Variants in ATP9B observed in about 807,000 individuals in gnomAD.
ATP9B encodes ATPase phospholipid transporting 9B.
Under a neutral mutation model 146.1 loss-of-function variants are expected in ATP9B, and 110 were observed. The ratio of observed to expected loss-of-function variants is 0.75; its 90% confidence interval spans 0.65 to 0.88. ATP9B has a LOEUF of 0.88. ATP9B is among the 40% of genes least tolerant of loss of function. ATP9B has a pLI of 0.00. For synonymous variants in ATP9B, 604 were observed against 569.7 expected, an observed-to-expected ratio of 1.06 and a Z score of -0.86; for missense variants, 1,499 against 1,496.4, an observed-to-expected ratio of 1.00 and a Z score of -0.03.
At chr18:79,296,936 C>T (rs1175385725) in intron 13 of ATP9B, among the ~76,000 whole-genome samples, 1 of 151,138 alleles carries the variant, frequency 6.6e-6, no homozygotes, top group Non-Finnish European at 1.5e-5. Context: ...AGAGATGACC[C>T]AGAGAGGAGA....
chr18:79,190,903 T>TA lies in ATP9B; in HGVS notation c.874-2277dup, dbSNP rs563155773. On this transcript the variant is annotated intron_variant, in intron 8 of 29. Transcript: ENST00000426216. The stretch of plus-strand genomic sequence containing the variant: ...AAAAACAGGATTTGGGGGTTTTTTT[T>TA]AAATATTTACTTAGATATTTACTAC... Among the ~76,000 whole-genome samples the TA allele has an allele frequency of 6.2e-3, 939 of 152,200 alleles. 5 individuals carry two copies. The highest frequency in any genetic ancestry group is 0.01 in the Non-Finnish European group (695 of 68,014).
At chr18:79,165,747 C>A (rs2094955108) in intron 7 of ATP9B, among the ~76,000 whole-genome samples, 1 of 152,108 alleles carries the variant, frequency 6.6e-6, no homozygotes, top group South Asian at 2.1e-4. Context: ...TGTCTTCCTG[C>A]ACTTCCTAGG....
At chr18:79,271,866 G>T (rs575103322) in intron 12 of ATP9B, among the ~76,000 whole-genome samples, 41 of 149,164 alleles carry the variant, frequency 2.7e-4, no homozygotes, top group African/African-American at 1.0e-3. Flanking sequence ...CAGTGTAAAA[G>T]TGTTCCTATT....
chr18:79,355,469 C>A (rs1458668915), intron 25 of ATP9B, among the ~76,000 whole-genome samples: 1 of 152,110 alleles, frequency 6.6e-6, no homozygotes, highest in East Asian at 1.9e-4. Context: ...AAAAAAAATG[C>A]CGTGACTGGG....
chr18:79,228,640 T>C (rs1210562534), intron 11 of ATP9B, among the ~76,000 whole-genome samples: 3 of 152,190 alleles, frequency 2.0e-5, no homozygotes, highest in Non-Finnish European at 4.4e-5. Context: ...AAATAATGAT[T>C]TACTCAAGAT....
At chr18:79,182,835 G>C (rs9965427) in intron 8 of ATP9B, among the ~76,000 whole-genome samples, 84,120 of 151,616 alleles carry the variant, frequency 0.55, 24,991 homozygotes, top group African/African-American at 0.79. Context: ...GCCTGTGACT[G>C]CCCTGCAGAG....
chr18:79,315,990 C>T lies in ATP9B; in HGVS notation c.1773+8756C>T, dbSNP rs550359459. Among the ~76,000 whole-genome samples, 7 of 152,226 alleles carry T rather than the reference C, an allele frequency of 4.6e-5. No homozygotes were observed. The South Asian group carries it at 1.5e-3, about 32-fold the overall frequency. On this transcript the variant is annotated intron_variant, in intron 15 of 29. Transcript: ENST00000426216. ...AACTAGTCATTTGAAGTGTACTAAG[C>T]CTTTAAATTCTGGTCTTTCTGCATT...
chr18:79,204,999 G>A (rs147348273), intron 9 of ATP9B, among the ~76,000 whole-genome samples: 6 of 152,124 alleles, frequency 3.9e-5, no homozygotes, highest in Non-Finnish European at 7.4e-5. Context: ...AGGCTCAGAC[G>A]CTAAGGTCAG....
At chr18:79,340,422 T>G (rs865917690) in intron 19 of ATP9B, 2 of 152,224 alleles carry the variant, frequency 1.3e-5, no homozygotes, top group Non-Finnish European at 2.9e-5. Context: ...TTTGTCATGA[T>G]GATGTGTCAT....
chr18:79,302,432 G>A (rs892391369), intron 13 of ATP9B, among the ~76,000 whole-genome samples: 3 of 149,774 alleles, frequency 2.0e-5, no homozygotes, highest in Non-Finnish European at 3.0e-5. Context: ...ACGCGTGGCA[G>A]CACGTTGTGA....
intron 11 of ATP9B, among the ~76,000 whole-genome samples, chr18:79,238,220 C>T (rs2095859284): frequency 6.6e-6 from 1 of 151,202 alleles, no homozygotes; most frequent in African/African-American, 2.4e-5. Context: ...TGAAATTTAC[C>T]ATGACTGGAT....
intron 12 of ATP9B, among the ~76,000 whole-genome samples, chr18:79,260,615 T>C (rs1026643020): frequency 3.9e-5 from 6 of 152,194 alleles, no homozygotes; most frequent in Non-Finnish European, 8.8e-5. Flanking sequence ...AACTACCAGC[T>C]TGACCTAAAG....
At chr18:79,336,869 A>G (rs2096830065) in intron 18 of ATP9B, among the ~76,000 whole-genome samples, 158 bp downstream of exon 18, 2 of 152,248 alleles carry the variant, frequency 1.3e-5, no homozygotes, top group Admixed American at 6.5e-5. Context: ...TCCTGTCTGC[A>G]TTTCTGTTTC....
intron 1 of ATP9B, among the ~76,000 whole-genome samples, chr18:79,073,825 G>A (rs1044137977): frequency 1.3e-5 from 2 of 152,186 alleles, no homozygotes; most frequent in Non-Finnish European, 2.9e-5. Flanking sequence ...GATTGTGGAA[G>A]CATTTTTATG....
chr18:79,074,787 G>A (rs2072400158), intron 1 of ATP9B, among the ~76,000 whole-genome samples: 1 of 152,244 alleles, frequency 6.6e-6, no homozygotes, highest in South Asian at 2.1e-4. Context: ...ACTTAACTGG[G>A]GAGGAGCAGA....
intron 8 of ATP9B, among the ~76,000 whole-genome samples, chr18:79,177,228 C>G (rs2095185909): frequency 1.3e-5 from 2 of 151,882 alleles, no homozygotes; most frequent in Non-Finnish European, 2.9e-5. Context: ...TGTCCTTTTC[C>G]TTTTTCAATT....
intron 11 of ATP9B, among the ~76,000 whole-genome samples, chr18:79,221,341 C>T (rs1208533862): frequency 6.6e-6 from 1 of 152,204 alleles, no homozygotes; most frequent in African/African-American, 2.4e-5. Context: ...CCTCCTGCAG[C>T]CATCTGCTTC....
intron 13 of ATP9B, among the ~76,000 whole-genome samples, chr18:79,303,370 AAC>A (rs1441998070): frequency 1.3e-5 from 2 of 152,180 alleles, no homozygotes; most frequent in East Asian, 3.8e-4. Flanking sequence ...TCCAAAAAAA[AAC>A]ACACAAAAAT....
At chr18:79,266,253 A>G (rs1433053228) in intron 12 of ATP9B, among the ~76,000 whole-genome samples, 3 of 152,142 alleles carry the variant, frequency 2.0e-5, no homozygotes, top group Non-Finnish European at 2.9e-5. Flanking sequence ...TATCGTTCTT[A>G]AAGGAACCAT....
Sources: gnomAD v4.1 joint callset for allele counts (sites outside exome capture counted in the v4.1 genomes callset) on GRCh38, gnomAD v4.1.1 for gene constraint, MANE v1.5 for transcripts, NCBI Gene and HGNC (gene_info 2026-07-23, HGNC 2026-07-21) for gene names.